The following SMPDL3B variants were observed in gnomAD, a reference collection of about 807,000 sequenced individuals.
The protein encoded by SMPDL3B is acid sphingomyelinase-like phosphodiesterase 3b.
In SMPDL3B, 31 loss-of-function variants were observed where a neutral mutation model predicts 37.9. The ratio of observed to expected loss-of-function variants is 0.82; its 90% CI spans 0.61 to 1.10. The LOEUF (loss-of-function observed/expected upper bound fraction) is 1.10. Ranked by LOEUF, SMPDL3B falls within the 50% of genes least tolerant of loss-of-function variation. The pLI, the probability that SMPDL3B is intolerant of heterozygous loss-of-function variation, is 0.00. For missense variants in SMPDL3B, 525 were observed against 597.8 expected (o/e 0.88, Z 1.27); for synonymous variants, 235 against 242.6 (o/e 0.97, Z 0.29).
intron 3 of SMPDL3B, among the ~76,000 whole-genome samples, chr1:27,950,134 C>T (rs1484186052): frequency 1.3e-5 from 2 of 152,150 alleles, no homozygotes; most frequent in Non-Finnish European, 2.9e-5. Context: ...ACTGCCCTTA[C>T]TGTCTGTTCC....
chr1:27,938,945 G>T (rs566804647), intron 1 of SMPDL3B: 1 of 152,326 alleles, frequency 6.6e-6, no homozygotes, highest in African/African-American at 2.4e-5. Context: ...TAGCCCCATT[G>T]TAAGTCAAGG....
chr1:27,936,639 C>T (rs2090309956), intron 1 of SMPDL3B: 1 of 152,062 alleles, frequency 6.6e-6, no homozygotes, highest in African/African-American at 2.4e-5. Context: ...TGCTTCATGT[C>T]CTCTTGGGAT....
chr1:27,949,802 G>A (rs866107158), intron 3 of SMPDL3B, among the ~76,000 whole-genome samples: 1 of 152,218 alleles, frequency 6.6e-6, no homozygotes, highest in Non-Finnish European at 1.5e-5. Context: ...GGGCGCCTGA[G>A]AAAGCAGCCC....
rs528617068 is a variant in SMPDL3B, at chr1:27,952,852, C to G, written c.374-363C>G. On this transcript the variant is annotated intron_variant, in intron 3 of 7. Transcript: ENST00000373894. ...AGAGTGACGCAGACCCTTTCCCTAA[C>G]AGTAAGATGATCTGGAATCAACAGG... 1.8e-4 allele frequency among the ~76,000 whole-genome samples: 27 copies of G among 152,210 alleles called. 1 individual carries two copies. The highest frequency in any genetic ancestry group is 5.9e-5 in the Non-Finnish European group (4 of 68,038).
intron 1 of SMPDL3B, chr1:27,936,651 G>A (rs1303503797): frequency 6.6e-6 from 1 of 152,166 alleles, no homozygotes; most frequent in African/African-American, 2.4e-5. Context: ...TCTTGGGATG[G>A]TGGGGTTTAG....
At position 27,954,388 on chromosome 1, in the gene SMPDL3B, CG is replaced by C. The variant is rs1217076058; in HGVS notation, c.556del (p.Ala186LeufsTer18). On this transcript the variant is annotated frameshift_variant, in exon 5 of 8. Transcript: ENST00000373894. LOFTEE classifies it high-confidence loss of function. ...FYCEKLPGPS[G>X]AGRIVVLNTN... Reference sequence around the variant, plus strand: ...ACTGTGAGAAGCTGCCGGGTCCCAGCGGGGCTGGGCGAATTGTGGTCCTCAA... The same window carrying C: ...ACTGTGAGAAGCTGCCGGGTCCCAGCGGGCTGGGCGAATTGTGGTCCTCAA... 1.2e-6 allele frequency: 2 copies of C among 1,614,020 alleles called. No homozygotes were observed. Among genetic ancestry groups the C allele is most frequent in the Admixed American group, 3.3e-5 (2 of 60,016 alleles).
At chr1:27,949,294 C>T (rs755049574) in intron 3 of SMPDL3B, 132 bp downstream of exon 3, 64 of 904,278 alleles carry the variant, frequency 7.1e-5, no homozygotes, top group Non-Finnish European at 8.9e-5. Flanking sequence ...TTGGCCAGGT[C>T]TTCATGGTGA....
intron 1 of SMPDL3B, chr1:27,942,420 C>T: frequency 2.2e-6 from 1 of 457,788 alleles, no homozygotes; most frequent in Middle Eastern, 3.7e-4. Flanking sequence ...CAACTCTGCC[C>T]ACCAACTAAC....
intron 1 of SMPDL3B, among the ~76,000 whole-genome samples, chr1:27,942,849 A>T (rs1403635817): frequency 6.6e-6 from 1 of 151,884 alleles, no homozygotes; most frequent in Non-Finnish European, 1.5e-5. Context: ...TTCTGTAGAG[A>T]CGAAGTCTTG....
At position 27,958,822 on chromosome 1, in the gene SMPDL3B, G is replaced by A; in HGVS notation, c.1352G>A (p.Cys451Tyr). 6.3e-7 allele frequency: 1 copy of A among 1,593,360 alleles called. No homozygotes were observed. Among genetic ancestry groups the A allele is most frequent in the Non-Finnish European group, 8.6e-7 (1 of 1,166,580 alleles). ...CTGCTGATGGCCCTGCTGGGCCTGT[G>A]CACGCTCGTGCTGTGACCTGCCAGG... ...PLLLMALLGL[C>Y]TLVL Residue 451 changes from cysteine (C) to tyrosine (Y), a missense_variant, in exon 8 of 8, where the codon TGC becomes TAC. Transcript: ENST00000373894. The surrounding 1 kb of genome is among the most constrained non-coding windows in gnomAD (Gnocchi z 5.6).
chr1:27,937,737 T>G (rs1233086971), intron 1 of SMPDL3B, among the ~76,000 whole-genome samples: 2 of 152,146 alleles, frequency 1.3e-5, no homozygotes, highest in Non-Finnish European at 2.9e-5. Context: ...AAGGCTGCCT[T>G]GCTCACCCCA....
In SMPDL3B at chr1:27,945,250, CT is replaced by C; in HGVS notation, c.81del (p.Asp28ThrfsTer51). On this transcript the variant is annotated frameshift_variant, in exon 2 of 8. Transcript: ENST00000373894. LOFTEE classifies it high-confidence loss of function. The surrounding 1 kb of genome is among the most constrained non-coding windows in gnomAD (Gnocchi z 4.0). ...RAEPGKFWHI[A>X]DLHLDPDYKV... ...CCTGCAGGGAAGTTCTGGCACATCG[CT>C]GACCTGCACCTTGACCCTGACTACA... The C allele has an allele frequency of 6.2e-7, 1 of 1,614,206 alleles. No homozygotes were observed. Among genetic ancestry groups the C allele is most frequent in the Non-Finnish European group, 8.5e-7 (1 of 1,180,024 alleles).
rs748463013 is a variant in SMPDL3B at position 27,958,551 on chromosome 1, C to T, written c.1081C>T (p.Leu361=). 5.0e-5 allele frequency: 80 copies of T among 1,613,904 alleles called. No individual in the cohort carries two copies. The highest frequency in any genetic ancestry group is 6.3e-5 in the Non-Finnish European group (74 of 1,179,942). Residue 361 remains leucine, a synonymous_variant, in exon 8 of 8, where the codon CTG becomes TTG. Transcript: ENST00000373894. The surrounding 1 kb of genome is among the most constrained non-coding windows in gnomAD (Gnocchi z 5.6). ...GTPRWELEYQ[L]TEAYGVPDAS... ...GCCGCGCTGGGAGCTCGAGTACCAG[C>T]TGACCGAGGCCTATGGGGTGCCGGA...
At position 27,945,506 on chromosome 1, in the gene SMPDL3B, G is replaced by C. The variant is rs771178377; in HGVS notation, c.275+61G>C. ...GGCATCTGCTATGTGCTACATACCA[G>C]TCTGGCCCTTTGCCCACATTATCTC... On this transcript the variant is annotated intron_variant, in intron 2 of 7. Transcript: ENST00000373894. This position sits in a 1 kb window ranked among gnomAD's most constrained non-coding sequence, Gnocchi z 4.0. The C allele has an allele frequency of 1.9e-4, 252 of 1,361,182 alleles. No individual in the cohort carries two copies. Among genetic ancestry groups the C allele is most frequent in the Non-Finnish European group, 2.4e-4 (233 of 957,780 alleles). 84.3% of individuals were successfully genotyped at this position (1,361,182 alleles called of 1,614,324 possible).
In SMPDL3B at chr1:27,935,256, GGAATGTCTGC is replaced by G. The variant is rs1166149110; in HGVS notation, c.61+13_61+22del. ...CAGGGCTGAACCAGGTACAGCACTG[GGAATGTCTGC>G]TATGCCTTTGTTTTGTACTGTGAAC... On this transcript the variant is annotated intron_variant, in intron 1 of 7. Transcript: ENST00000373894. 7 of 1,605,148 alleles carry G rather than the reference GGAATGTCTGC, an allele frequency of 4.4e-6. No individual in the cohort carries two copies. The South Asian group carries it at 7.7e-5, about 18-fold the overall frequency.
intron 5 of SMPDL3B, among the ~76,000 whole-genome samples, chr1:27,955,033 G>A (rs1044009924): frequency 1.3e-5 from 2 of 152,362 alleles, no homozygotes; most frequent in Non-Finnish European, 2.9e-5. Context: ...CATTGGGCAC[G>A]TTGTTTAGGA....
intron 3 of SMPDL3B, 56 bp from the exon 4 acceptor site, chr1:27,953,138 CAGTGGCCAACAGAAAATGATT>C: frequency 8.7e-7 from 1 of 1,144,426 alleles, no homozygotes. Flanking sequence ...CTCTGATGGC[CAGTGGCCAACAGAAAATGATT>C]AACTCCCCCG....
At chr1:27,949,040 A>C in intron 2 of SMPDL3B, 25 bp from the exon 3 acceptor site, 1 of 1,614,076 alleles carries the variant, frequency 6.2e-7, no homozygotes, top group African/African-American at 1.3e-5. Flanking sequence ...TGCCTGCCCC[A>C]AATTGGCTTG....
chr1:27,940,500 C>T (rs1003183534), intron 1 of SMPDL3B, among the ~76,000 whole-genome samples: 6 of 151,794 alleles, frequency 4.0e-5, no homozygotes, highest in Non-Finnish European at 7.4e-5. Context: ...GGGTAGGGGG[C>T]GCTGTTATCT....
Sources: allele counts gnomAD v4.1 joint callset (sites outside exome capture counted in the v4.1 genomes callset), GRCh38; gene constraint gnomAD v4.1.1; non-coding constraint Gnocchi (gnomAD v3.1); transcripts MANE v1.5; gene names NCBI Gene and HGNC (gene_info 2026-07-23, HGNC 2026-07-21).